The following CCDC178 variants were observed in gnomAD, a reference collection of about 807,000 sequenced individuals.
The protein encoded by CCDC178 is coiled-coil domain containing 178, also known as coiled-coil domain-containing protein 178.
Under a neutral mutation model 117.4 loss-of-function variants are expected in CCDC178, and 126 were observed. That is an observed-to-expected ratio of 1.07 (90% CI 0.93 to 1.24). CCDC178 has a LOEUF of 1.24. CCDC178 is among the 50% of genes most tolerant of loss of function. CCDC178 has a pLI of 0.00. For synonymous variants in CCDC178, 283 were observed against 313.4 expected, an observed-to-expected ratio of 0.90 and a Z score of 1.02; for missense variants, 1,030 against 986.9, an observed-to-expected ratio of 1.04 and a Z score of -0.59.
intron 9 of CCDC178, among the ~76,000 whole-genome samples, chr18:33,344,412 G>A (rs1050800366): frequency 6.6e-6 from 1 of 150,962 alleles, no homozygotes; most frequent in Admixed American, 6.6e-5. Context: ...ACATAAATCT[G>A]TTTTCTAAGT....
chr18:33,136,039 G>T (rs2200146), intron 20 of CCDC178: 1 of 152,170 alleles, frequency 6.6e-6, no homozygotes, highest in Non-Finnish European at 1.5e-5. Context: ...TGAGGAAGGG[G>T]AAAATCTGAT....
intron 10 of CCDC178, among the ~76,000 whole-genome samples, chr18:33,331,889 T>C (rs978521688): frequency 6.6e-6 from 1 of 152,166 alleles, no homozygotes; most frequent in East Asian, 1.9e-4. Context: ...CTAGGAAAAA[T>C]TCACATGCAG....
At chr18:33,417,184 G>A (rs893290034) in intron 2 of CCDC178, among the ~76,000 whole-genome samples, 6 of 152,066 alleles carry the variant, frequency 3.9e-5, no homozygotes, top group Non-Finnish European at 5.9e-5. Context: ...AAACCTGCAC[G>A]CTACCTAGAT....
chr18:32,972,117 G>A (rs2054939374), intron 22 of CCDC178, among the ~76,000 whole-genome samples: 1 of 152,072 alleles, frequency 6.6e-6, no homozygotes, highest in South Asian at 2.1e-4. Flanking sequence ...GGATGGTATT[G>A]CCTAGGTTTT....
At chr18:33,402,901 T>A (rs1224171101) in intron 3 of CCDC178, among the ~76,000 whole-genome samples, 4 of 152,186 alleles carry the variant, frequency 2.6e-5, no homozygotes, top group African/African-American at 7.2e-5. Context: ...TGTCCACGCT[T>A]TATTAGACTT....
At chr18:33,330,682 A>G (rs2144620972) in intron 10 of CCDC178, among the ~76,000 whole-genome samples, 1 of 152,316 alleles carries the variant, frequency 6.6e-6, no homozygotes, top group Admixed American at 6.5e-5. Context: ...TTTTGGAGGT[A>G]CAAGTCCAAA....
At chr18:33,148,442 G>C (rs964338545) in intron 20 of CCDC178, among the ~76,000 whole-genome samples, 17 of 150,948 alleles carry the variant, frequency 1.1e-4, no homozygotes, top group Admixed American at 1.1e-3. Flanking sequence ...GAGGGAGACC[G>C]TGGGGAGAGG....
chr18:33,230,191 T>G (rs2059353510), intron 15 of CCDC178, among the ~76,000 whole-genome samples: 1 of 152,146 alleles, frequency 6.6e-6, no homozygotes, highest in South Asian at 2.1e-4. Flanking sequence ...TATGCATCAC[T>G]TTCACACCAT....
At chr18:33,313,338 A>G (rs1599144943) in intron 11 of CCDC178, among the ~76,000 whole-genome samples, 2 of 152,354 alleles carry the variant, frequency 1.3e-5, no homozygotes, top group Non-Finnish European at 1.5e-5. Flanking sequence ...TGAGATAATT[A>G]AAAGAAATAA....
intron 20 of CCDC178, among the ~76,000 whole-genome samples, chr18:33,129,441 T>C (rs1231025339): frequency 6.6e-6 from 1 of 152,064 alleles, no homozygotes; most frequent in African/African-American, 2.4e-5. Flanking sequence ...TCCAGCACTG[T>C]ACAGCAAATC....
intron 21 of CCDC178, among the ~76,000 whole-genome samples, chr18:33,017,865 G>T (rs1236625601): frequency 6.6e-6 from 1 of 151,700 alleles, no homozygotes; most frequent in Admixed American, 6.6e-5. Flanking sequence ...CGTAATTTTG[G>T]ATTAGTCATG....
At chr18:33,315,511 C>T (rs1464101116) in intron 11 of CCDC178, among the ~76,000 whole-genome samples, 2 of 152,136 alleles carry the variant, frequency 1.3e-5, no homozygotes, top group Admixed American at 1.3e-4. Flanking sequence ...GGCTCTGTCT[C>T]CTAAACTCTC....
chr18:32,978,697 C>A (rs1201795360), intron 21 of CCDC178, among the ~76,000 whole-genome samples: 2 of 152,028 alleles, frequency 1.3e-5, no homozygotes, highest in African/African-American at 4.8e-5. Flanking sequence ...ATTGCAGATT[C>A]TTGTCGAAAC....
At chr18:33,017,403 G>T (rs2056014601) in intron 21 of CCDC178, among the ~76,000 whole-genome samples, 1 of 151,756 alleles carries the variant, frequency 6.6e-6, no homozygotes, top group African/African-American at 2.4e-5. Context: ...TAATACTTGT[G>T]GTCTAAAAGT....
intron 20 of CCDC178, among the ~76,000 whole-genome samples, chr18:33,104,642 G>A (rs2057679974): frequency 6.6e-6 from 1 of 151,562 alleles, no homozygotes; most frequent in Non-Finnish European, 1.5e-5. Context: ...AAAATCTCTG[G>A]GGAAATATTG....
intron 5 of CCDC178, among the ~76,000 whole-genome samples, chr18:33,380,980 AC>A (rs59816076): frequency 0.91 from 138,715 of 152,138 alleles, 64,615 homozygotes; most frequent in East Asian, 1. Flanking sequence ...CCTCCATTTA[AC>A]CTCTTTTCTT....
intron 20 of CCDC178, among the ~76,000 whole-genome samples, chr18:33,093,527 A>G (rs531197105): frequency 7.9e-5 from 12 of 152,246 alleles, no homozygotes; most frequent in Non-Finnish European, 1.5e-4. Context: ...GCAGTTGAGA[A>G]CTTTATAATG....
chr18:33,089,921 A>G (rs1022941805), intron 21 of CCDC178, among the ~76,000 whole-genome samples: 4 of 152,102 alleles, frequency 2.6e-5, no homozygotes, highest in Non-Finnish European at 5.9e-5. Context: ...TAATTTTGAC[A>G]TCTGAGAAGT....
chr18:33,424,848 C>T lies in CCDC178; in HGVS notation c.-22-12738G>A, dbSNP rs116622960. ...GAGAGAGCTGCTGAATTAAACCGCACTTCACCTGCCTACAGCCCCGAGTGT... is the reference window on the plus strand; with the variant it reads ...GAGAGAGCTGCTGAATTAAACCGCATTTCACCTGCCTACAGCCCCGAGTGT... On this transcript the variant is annotated intron_variant, in intron 2 of 22. Transcript: ENST00000383096. Among the ~76,000 whole-genome samples the T allele has an allele frequency of 9.3e-3, 1,424 of 152,316 alleles. 22 individuals carry two copies. Among genetic ancestry groups the T allele is most frequent in the African/African-American group, 0.033 (1,361 of 41,566 alleles).
Sources: gnomAD v4.1 joint callset for allele counts (sites outside exome capture counted in the v4.1 genomes callset) on GRCh38, gnomAD v4.1.1 for gene constraint, MANE v1.5 for transcripts, NCBI Gene and HGNC (gene_info 2026-07-23, HGNC 2026-07-21) for gene names.